LIG1: variants seen among roughly 807,000 people sequenced by gnomAD.
The protein encoded by LIG1 is ligase I, DNA, ATP-dependent.
In LIG1, 70 loss-of-function variants were observed where a neutral mutation model predicts 115.7. That is an observed-to-expected ratio of 0.60 (90% CI 0.50 to 0.74). The LOEUF (loss-of-function observed/expected upper bound fraction) is 0.74, where lower values mean the gene tolerates loss of function less well. Ranked by LOEUF, LIG1 falls within the 30% of genes least tolerant of loss-of-function variation. The probability of loss-of-function intolerance (pLI) is 0.00; values close to 1 mark genes in which losing one functional copy is unlikely to be tolerated. For missense variants in LIG1, 1,115 were observed against 1,225.6 expected (o/e 0.91, Z 1.35); for synonymous variants, 487 against 495.3 (o/e 0.98, Z 0.22).
At position 48,145,561 on chromosome 19, in the gene LIG1, G is replaced by A. The variant is rs562459584; in HGVS notation, c.777-1598C>T. On this transcript the variant is annotated intron_variant, in intron 9 of 27. Transcript: ENST00000263274. ...CAGCTGATTCTGATGCTCACACAGG[G>A]CATGGATGGCCAAGACAGATAGTGC... Among the ~76,000 whole-genome samples, 414 of 151,292 alleles carry A rather than the reference G, an allele frequency of 2.7e-3. 11 individuals are homozygous for A. Among genetic ancestry groups the A allele is most frequent in the Non-Finnish European group, 8.7e-4 (59 of 67,708 alleles).
chr19:48,118,914 G>A (rs1422697796), intron 25 of LIG1, among the ~76,000 whole-genome samples: 1 of 152,174 alleles, frequency 6.6e-6, no homozygotes, highest in Non-Finnish European at 1.5e-5. Context: ...ACAGGGCTTG[G>A]GGAGGTGAGG....
chr19:48,154,736 C>T (rs1016217078), intron 5 of LIG1, among the ~76,000 whole-genome samples: 3 of 152,216 alleles, frequency 2.0e-5, no homozygotes, highest in South Asian at 2.1e-4. Flanking sequence ...TTGGCCATTG[C>T]GCCACCTGGT....
At chr19:48,143,728 C>T (rs2034934083) in intron 10 of LIG1, 129 bp from the exon 11 acceptor site, 1 of 1,071,884 alleles carries the variant, frequency 9.3e-7, no homozygotes, top group Admixed American at 1.8e-5. Context: ...GCTCACTTCC[C>T]AGGGCTGTCT....
intron 4 of LIG1, among the ~76,000 whole-genome samples, chr19:48,160,789 G>A (rs2036127602): frequency 1.3e-5 from 2 of 151,694 alleles, no homozygotes; most frequent in South Asian, 2.1e-4. Flanking sequence ...CTGGAGTACA[G>A]TGGTACAATC....
At chr19:48,130,925 A>T (rs2033978523) in intron 19 of LIG1, 151 bp downstream of exon 19, 4 of 689,672 alleles carry the variant, frequency 5.8e-6, no homozygotes, top group Admixed American at 2.0e-5. Flanking sequence ...TACACCACGC[A>T]GGACTGAGTG....
intron 3 of LIG1, 108 bp downstream of exon 3, chr19:48,162,154 A>C: frequency 9.5e-7 from 1 of 1,052,368 alleles, no homozygotes; most frequent in East Asian, 2.4e-5. Flanking sequence ...CTGGCTGAAA[A>C]AGTTTTTTGG....
intron 25 of LIG1, among the ~76,000 whole-genome samples, chr19:48,118,891 G>A (rs1365005600): frequency 6.6e-6 from 1 of 152,204 alleles, no homozygotes; most frequent in Non-Finnish European, 1.5e-5. Flanking sequence ...CTAACCCCTG[G>A]TGTGAATGAG....
chr19:48,162,849 T>C (rs1247574314), intron 2 of LIG1, among the ~76,000 whole-genome samples: 2 of 152,186 alleles, frequency 1.3e-5, no homozygotes, highest in African/African-American at 2.4e-5. Context: ...CTAATTTTTC[T>C]GCCCTAACGC....
At chr19:48,161,623 A>G (rs774790924) in intron 3 of LIG1, 116 bp from the exon 4 acceptor site, 5 of 1,261,832 alleles carry the variant, frequency 4.0e-6, no homozygotes, top group Non-Finnish European at 4.5e-6. Context: ...CAAGCATCCA[A>G]TGAACATTTT....
In LIG1 at chr19:48,140,015, C is replaced by A. The variant is rs1346300537; in HGVS notation, c.1043G>T (p.Gly348Val). The A allele has an allele frequency of 2.5e-6, 4 of 1,614,130 alleles. No homozygotes were observed. The East Asian group carries it at 8.9e-5, about 36-fold the overall frequency. The change falls in exon 12 of 28, where the codon GGC (glycine) becomes GTC (valine). Residue 348 changes from glycine to valine, a missense_variant. Transcript: ENST00000263274. The stretch of plus-strand genomic sequence containing the variant: ...CTTGAGAAGGACACCATCACCCACG[C>A]CAAGCTCCAGGCCCTGCTGGGGTGG... ...LGPPQQGLEL[G>V]VGDGVLLKAV...
At chr19:48,167,845 A>C (rs12463260) in intron 1 of LIG1, among the ~76,000 whole-genome samples, 79,014 of 149,134 alleles carry the variant, frequency 0.53, 21,295 homozygotes, top group East Asian at 0.68. Context: ...AAAAAAAAAA[A>C]AAAAACAAAC....
At chr19:48,133,653 T>C (rs965619312) in intron 17 of LIG1, among the ~76,000 whole-genome samples, 48 of 152,250 alleles carry the variant, frequency 3.2e-4, no homozygotes, top group African/African-American at 1.0e-3. Flanking sequence ...TGGAGTGCAG[T>C]AGCGCGATGA....
chr19:48,138,323 T>C (rs1453054099), intron 12 of LIG1, among the ~76,000 whole-genome samples: 2 of 152,158 alleles, frequency 1.3e-5, no homozygotes, highest in Non-Finnish European at 2.9e-5. Flanking sequence ...AAATAAAATG[T>C]GGAGATAACA....
chr19:48,150,760 C>T (rs753152779), intron 7 of LIG1, among the ~76,000 whole-genome samples: 1 of 152,060 alleles, frequency 6.6e-6, no homozygotes, highest in Non-Finnish European at 1.5e-5. Flanking sequence ...TGCAGTGGTG[C>T]GACCATAGGT....
chr19:48,122,808 G>A lies in LIG1; in HGVS notation c.2232+126C>T. ...AACTCAGTTGCAGCAGGGGGCTGGG[G>A]TGGGATTGTGAAAAGGGGCCCTGAG... On this transcript the variant is annotated intron_variant, in intron 23 of 27. Coordinates refer to ENST00000263274, the MANE Select transcript of LIG1 (RefSeq NM_000234.3). The surrounding 1 kb of genome is among the most constrained non-coding windows in gnomAD (Gnocchi z 4.3). 1.1e-6 allele frequency: 1 copy of A among 874,876 alleles called. No individual in the cohort carries two copies. Among genetic ancestry groups the A allele is most frequent in the Non-Finnish European group, 2.0e-6 (1 of 508,126 alleles). The allele number at this position is 874,876 out of a possible 1,614,324, so 54.2% of individuals were successfully genotyped here.
Position 48,137,506 on chromosome 19 carries a change from G to T in LIG1, c.1254+16C>A. The T allele has an allele frequency of 6.2e-7, 1 of 1,610,392 alleles. No homozygotes were observed. Among genetic ancestry groups the T allele is most frequent in the African/African-American group, 1.3e-5 (1 of 75,046 alleles). ...AAGATGTCTGGGGTCCGGGATGAGC[G>T]GCCCGCCCCACTCACAGCACTGCCA... On this transcript the variant is annotated intron_variant, in intron 13 of 27. Transcript: ENST00000263274. This position sits in a 1 kb window ranked among gnomAD's most constrained non-coding sequence, Gnocchi z 4.3.
intron 19 of LIG1, 122 bp downstream of exon 19, chr19:48,130,954 A>T: frequency 1.3e-6 from 1 of 780,186 alleles, no homozygotes; most frequent in South Asian, 1.4e-5. Flanking sequence ...TTTGCAGCCA[A>T]ACGCAACCTG....
rs1568494254 is a variant in LIG1, at chr19:48,131,089, C to A, written c.1808G>T (p.Ser603Ile). Residue 603 changes from serine to isoleucine, a missense_variant, in exon 19 of 28, where the codon AGC (serine) becomes ATC (isoleucine). Ser to Ile is a moderately radical substitution (Grantham distance 142). Transcript: ENST00000263274. ...GCAGACGCCCACCTTGGGGATGCGG[C>A]TGATGATGTCCGGGTACTTCCCAGT... ...DNTGKYPDII[S>I]RIPKIKLPSV... is the part of the protein sequence containing the mutation. 1.2e-6 allele frequency: 2 copies of A among 1,614,072 alleles called. No individual in the cohort carries two copies. Among genetic ancestry groups the A allele is most frequent in the Non-Finnish European group, 1.7e-6 (2 of 1,179,926 alleles).
intron 5 of LIG1, chr19:48,154,510 A>C: frequency 4.8e-6 from 1 of 206,418 alleles, no homozygotes; most frequent in Non-Finnish European, 1.0e-5. Context: ...CCAGCTGCCC[A>C]ACACATAGCA....
Sources: allele counts gnomAD v4.1 joint callset (sites outside exome capture counted in the v4.1 genomes callset), GRCh38; gene constraint gnomAD v4.1.1; non-coding constraint Gnocchi (gnomAD v3.1); transcripts MANE v1.5; gene names NCBI Gene and HGNC (gene_info 2026-07-23, HGNC 2026-07-21).